SBNO1: variants seen among roughly 807,000 people sequenced by gnomAD.
The protein encoded by SBNO1 is strawberry notch homolog 1, also known as protein strawberry notch homolog 1.
In SBNO1, 23 loss-of-function variants were observed where a neutral mutation model predicts 173.6. The observed-to-expected ratio is 0.13, with a 90% CI of 0.10 to 0.19. The LOEUF is 0.19. Ranked by LOEUF, SBNO1 falls within the 10% of genes least tolerant of loss-of-function variation. The probability of loss-of-function intolerance (pLI) is 1.00; values close to 1 mark genes in which losing one functional copy is unlikely to be tolerated. For synonymous variants in SBNO1, 632 were observed against 571.5 expected, an observed-to-expected ratio of 1.11 and a Z score of -1.51; for missense variants, 1,238 against 1,671.2, an observed-to-expected ratio of 0.74 and a Z score of 4.52.
rs370884214 is a variant in SBNO1, at chr12:123,317,359, G to A, written c.2800-3C>T. 2 of 1,613,616 alleles carry A rather than the reference G, an allele frequency of 1.2e-6. No homozygotes were observed. The highest frequency in any genetic ancestry group is 1.7e-6 in the Non-Finnish European group (2 of 1,179,804). Reference sequence around the variant, plus strand: ...GCTTCTGAGATGATAGCAATATTCTGTGTCAAATATAAGAAAAATAAAGTC... The same window carrying A: ...GCTTCTGAGATGATAGCAATATTCTATGTCAAATATAAGAAAAATAAAGTC... On this transcript the variant is annotated splice_region_variant and splice_polypyrimidine_tract_variant and intron_variant, in intron 20 of 31. Coordinates refer to ENST00000602398, the MANE Select transcript of SBNO1 (RefSeq NM_001167856.3).
Position 123,309,292 on chromosome 12 carries a change from T to A in SBNO1, c.3630+18A>T, listed in dbSNP as rs773122089. The A allele has an allele frequency of 1.9e-6, 3 of 1,591,142 alleles. No homozygotes were observed. Among genetic ancestry groups the A allele is most frequent in the Admixed American group, 3.3e-5 (2 of 59,958 alleles). On this transcript the variant is annotated intron_variant, in intron 28 of 31. Coordinates refer to ENST00000602398, the MANE Select transcript of SBNO1 (RefSeq NM_001167856.3). ...AAAGTATTATATATCTGAATAGAAT[T>A]TAAAGGAAAAGTCGTACTTGCAATG... is the stretch of plus-strand genomic sequence containing the variant.
At position 123,340,668 on chromosome 12, in the gene SBNO1, T is replaced by G. The variant is rs1292418171; in HGVS notation, c.651+320A>C. Among the ~76,000 whole-genome samples the G allele has an allele frequency of 2.0e-5, 3 of 151,944 alleles. No homozygotes were observed. In the East Asian group the frequency reaches 5.8e-4, roughly 29 times the overall value. On this transcript the variant is annotated intron_variant, in intron 5 of 31. Transcript: ENST00000602398. Reference sequence around the variant, plus strand: ...TGCATTATGAGCTTTCTATTCAAGTTCGGTCCTAAAATGAACACAGTTATC... The same window carrying G: ...TGCATTATGAGCTTTCTATTCAAGTGCGGTCCTAAAATGAACACAGTTATC...
At chr12:123,314,334 A>AT (rs34716075) in intron 23 of SBNO1, among the ~76,000 whole-genome samples, 77,610 of 147,702 alleles carry the variant, frequency 0.53, 24,497 homozygotes, top group East Asian at 0.7. Context: ...GCCCAACTAA[A>AT]TTTTTTTTTT....
At chr12:123,342,235 A>G (rs887429981) in intron 4 of SBNO1, among the ~76,000 whole-genome samples, 2 of 151,714 alleles carry the variant, frequency 1.3e-5, no homozygotes, top group Non-Finnish European at 2.9e-5. Flanking sequence ...GGGCAACAAG[A>G]GTAAAACTCT....
chr12:123,301,810 T>C (rs763041511), intron 30 of SBNO1, among the ~76,000 whole-genome samples: 5 of 152,060 alleles, frequency 3.3e-5, no homozygotes, highest in Non-Finnish European at 4.4e-5. Flanking sequence ...TGGGAGGAGT[T>C]TGAGGCTGCA....
chr12:123,351,638 TAGA>T (rs1306559501), intron 1 of SBNO1, among the ~76,000 whole-genome samples: 1 of 151,280 alleles, frequency 6.6e-6, no homozygotes, highest in Non-Finnish European at 1.5e-5. Context: ...TAGAAAAAAA[TAGA>T]AGGATTACTC....
At chr12:123,311,722 A>ACCTATCTATC (rs778942716) in intron 24 of SBNO1, among the ~76,000 whole-genome samples, 2 of 94,542 alleles carry the variant, frequency 2.1e-5, no homozygotes, top group Non-Finnish European at 4.2e-5. Flanking sequence ...CTATCTATCT[A>ACCTATCTATC]TATATATATA....
At chr12:123,299,375 A>C (rs77969964) in intron 30 of SBNO1, among the ~76,000 whole-genome samples, 7,154 of 150,848 alleles carry the variant, frequency 0.047, 294 homozygotes, top group East Asian at 0.25. Flanking sequence ...CTCAAAAAAA[A>C]CGAAACAAAA....
chr12:123,295,896 C>A lies in SBNO1; in HGVS notation c.*12G>T, dbSNP rs759832363. 1.2e-6 allele frequency: 2 copies of A among 1,612,238 alleles called. No homozygotes were observed. The highest frequency in any genetic ancestry group is 4.5e-5 in the East Asian group (2 of 44,884). On this transcript the variant is annotated 3_prime_UTR_variant, in exon 32 of 32. Transcript: ENST00000602398. ...CATTTCAGATCCATCCATGTTGAAA[C>A]CTGTCTGTTCTTCATGCGTTGCTCA...
chr12:123,360,660 G>A (rs1286778165), intron 1 of SBNO1, among the ~76,000 whole-genome samples: 3 of 151,954 alleles, frequency 2.0e-5, no homozygotes, highest in Non-Finnish European at 4.4e-5. Context: ...AGCCAGGATG[G>A]TATGGATCTC....
chr12:123,334,191 T>C lies in SBNO1; in HGVS notation c.771A>G (p.Pro257=), dbSNP rs145199462. The part of the protein sequence containing the change: ...PIKLKIGLRH[P]DAVVETSSLS... The stretch of plus-strand genomic sequence containing the variant: ...AAGAGCTGGTTTCCACTACAGCATC[T>C]GGATGACGTAGGCCAATTTTTACTA... Residue 257 remains proline, a synonymous_variant, in exon 7 of 32, where the codon CCA becomes CCG. Coordinates refer to ENST00000602398, the MANE Select transcript of SBNO1 (RefSeq NM_001167856.3). 4.4e-4 allele frequency: 706 copies of C among 1,586,960 alleles called. 4 individuals are homozygous for C. The highest frequency in any genetic ancestry group is 1.5e-3 in the Admixed American group (83 of 54,914).
intron 30 of SBNO1, among the ~76,000 whole-genome samples, chr12:123,302,062 T>C (rs2048807719): frequency 6.6e-6 from 1 of 151,720 alleles, no homozygotes; most frequent in Admixed American, 6.6e-5. Flanking sequence ...CTCGGCCTCC[T>C]GAATAGCTGA....
intron 9 of SBNO1, among the ~76,000 whole-genome samples, chr12:123,329,855 T>C (rs1042622638): frequency 1.3e-5 from 2 of 152,208 alleles, no homozygotes; most frequent in African/African-American, 4.8e-5. Flanking sequence ...AATTGGTGCA[T>C]GCATAGTAAG....
At position 123,290,356 on chromosome 12, in the gene SBNO1, G is replaced by C. The variant is rs1455179230; in HGVS notation, c.*5552C>G. 4 of 152,288 alleles carry C rather than the reference G, an allele frequency of 2.6e-5. 1 individual carries two copies. The South Asian group carries it at 6.2e-4, about 24-fold the overall frequency. The allele number at this position is 152,288 out of a possible 1,614,324, so 9.4% of individuals were successfully genotyped here. On this transcript the variant is annotated 3_prime_UTR_variant, in exon 32 of 32. Transcript: ENST00000602398. ...ATAGTAATGAATGAAACTTGTACAT[G>C]AATGAAAAGGCCCCAAAGACGCTCA...
chr12:123,322,663 T>C (rs933072382), intron 16 of SBNO1, among the ~76,000 whole-genome samples: 7 of 150,788 alleles, frequency 4.6e-5, no homozygotes, highest in African/African-American at 1.5e-4. Flanking sequence ...CCCAGCACTT[T>C]GGGAGGCCTA....
chr12:123,325,492 A>G lies in SBNO1; in HGVS notation c.1973+10T>C, dbSNP rs766390149. The stretch of plus-strand genomic sequence containing the variant: ...AAGAAACAAAAACATTAAAAGAACA[A>G]AAACATTACTTGGCAGTTGAAACAA... On this transcript the variant is annotated intron_variant, in intron 15 of 31. Transcript: ENST00000602398. 1.9e-6 allele frequency: 3 copies of G among 1,585,184 alleles called. No homozygotes were observed. The highest frequency in any genetic ancestry group is 2.2e-5 in the South Asian group (2 of 90,046).
chr12:123,349,945 A>AATTAAGG (rs1190273853), intron 2 of SBNO1, among the ~76,000 whole-genome samples: 1 of 151,984 alleles, frequency 6.6e-6, no homozygotes, highest in Non-Finnish European at 1.5e-5. Context: ...ATGTATTTAA[A>AATTAAGG]ATTAAGGCTT....
intron 28 of SBNO1, 42 bp downstream of exon 28, chr12:123,309,268 A>T: frequency 7.1e-7 from 1 of 1,412,958 alleles, no homozygotes; most frequent in South Asian, 1.2e-5. Flanking sequence ...GGCCATTAAA[A>T]AGTATTATAT....
At position 123,293,600 on chromosome 12, in the gene SBNO1, A is replaced by G. The variant is rs2048542358; in HGVS notation, c.*2308T>C. The G allele has an allele frequency of 6.6e-6, 1 of 152,088 alleles. No individual in the cohort carries two copies. The highest frequency in any genetic ancestry group is 1.5e-5 in the Non-Finnish European group (1 of 68,030). The allele number at this position is 152,088 out of a possible 1,614,324, so 9.4% of individuals were successfully genotyped here. On this transcript the variant is annotated 3_prime_UTR_variant, in exon 32 of 32. Coordinates refer to ENST00000602398, the MANE Select transcript of SBNO1 (RefSeq NM_001167856.3). ...AGGTCCATTTTGAGAGGGCTTTCAG[A>G]GGCCTTTTTAATGAGAAAAAAAAAT...
Sources: allele counts gnomAD v4.1 joint callset (sites outside exome capture counted in the v4.1 genomes callset), GRCh38; gene constraint gnomAD v4.1.1; transcripts MANE v1.5; gene names NCBI Gene and HGNC (gene_info 2026-07-23, HGNC 2026-07-21).